The following MAEA variants were observed in gnomAD, a reference collection of about 807,000 sequenced individuals.
The protein encoded by MAEA is E3 ubiquitin-protein transferase MAEA.
MAEA carries 22 observed loss-of-function variants against 46.2 expected under a neutral mutation model. That is an observed-to-expected ratio of 0.48 (90% CI 0.34 to 0.68). The LOEUF (loss-of-function observed/expected upper bound fraction) is 0.68. Ranked by LOEUF, MAEA falls within the 30% of genes least tolerant of loss-of-function variation. The pLI, the probability that MAEA is intolerant of heterozygous loss-of-function variation, is 0.01. For missense variants in MAEA, 393 were observed against 558.1 expected (o/e 0.70, Z 2.98); for synonymous variants, 246 against 222.6 (o/e 1.11, Z -0.94).
chr4:1,311,793 G>A lies in MAEA; in HGVS notation c.70-186G>A, dbSNP rs1736538051. On this transcript the variant is annotated intron_variant, in intron 1 of 8. Transcript: ENST00000303400. This position sits in a 1 kb window ranked among gnomAD's most constrained non-coding sequence, Gnocchi z 4.4. ...GCTTCTCATCCAGGGATGTGGAGTG[G>A]CTCTCCGTTCAGCAGGGCTTTTGTG... Among the ~76,000 whole-genome samples, 1 of 152,186 alleles carries A rather than the reference G, an allele frequency of 6.6e-6. No individual in the cohort carries two copies. The highest frequency in any genetic ancestry group is 1.5e-5 in the Non-Finnish European group (1 of 68,034).
chr4:1,330,207 GC>G, intron 5 of MAEA: 1 of 913,748 alleles, frequency 1.1e-6, no homozygotes, highest in Non-Finnish European at 1.3e-6. Context: ...CTGGGACCTG[GC>G]CTGTACTTCA....
chr4:1,322,478 A>G lies in MAEA; in HGVS notation c.554A>G (p.Asn185Ser). The part of the protein sequence containing the change: ...TATCLAWCHD[N>S]KSRLRKMKSC... ...ACCTGCCTGGCCTGGTGCCATGACA[A>G]CAAGTCCCGGCTCCGGAAGATGAAG... is the stretch of plus-strand genomic sequence containing the variant. The change falls in exon 4 of 9, where the codon AAC becomes AGC. Residue 185 changes from asparagine to serine, a missense_variant. Around this residue, in one of 2 missense-constraint regions of MAEA, gnomAD observed 358 missense variants for 537.9 expected, o/e 0.67. Transcript: ENST00000303400. The G allele has an allele frequency of 1.2e-6, 2 of 1,613,872 alleles. No homozygotes were observed. Among genetic ancestry groups the G allele is most frequent in the Non-Finnish European group, 1.7e-6 (2 of 1,179,996 alleles).
intron 6 of MAEA, 104 bp downstream of exon 6, chr4:1,332,969 C>A: frequency 1.4e-6 from 1 of 736,904 alleles, no homozygotes; most frequent in South Asian, 2.0e-5. Flanking sequence ...GTGAGGGCCC[C>A]ATCCCAGCCA....
intron 1 of MAEA, among the ~76,000 whole-genome samples, chr4:1,291,944 G>A (rs908546500): frequency 6.6e-6 from 1 of 152,210 alleles, no homozygotes; most frequent in African/African-American, 2.4e-5. Context: ...GTTTTCAGGA[G>A]TGATTCCTAG....
At chr4:1,332,539 A>C in intron 5 of MAEA, 1 of 423,180 alleles carries the variant, frequency 2.4e-6, no homozygotes, top group East Asian at 4.9e-5. Flanking sequence ...ACACAGCGAG[A>C]ATCTGTCTCT....
intron 1 of MAEA, among the ~76,000 whole-genome samples, chr4:1,296,551 TTC>T (rs34363857): frequency 1.3e-5 from 2 of 149,690 alleles, no homozygotes; most frequent in Non-Finnish European, 3.0e-5. Context: ...CTGCACTTGG[TTC>T]TCTCTCTGTT....
At chr4:1,323,450 A>G in intron 4 of MAEA, 1 of 702,198 alleles carries the variant, frequency 1.4e-6, no homozygotes, top group South Asian at 1.5e-5. Context: ...TGAGTTTGGC[A>G]GGGTGCACGC....
intron 3 of MAEA, among the ~76,000 whole-genome samples, chr4:1,318,395 C>T (rs183865453): frequency 1.3e-3 from 191 of 152,286 alleles, no homozygotes; most frequent in Middle Eastern, 6.8e-3. Context: ...CACAGAAGTG[C>T]GTAGAGCAGG....
intron 3 of MAEA, among the ~76,000 whole-genome samples, chr4:1,318,648 C>T (rs762761895): frequency 2.6e-5 from 4 of 152,198 alleles, no homozygotes; most frequent in Middle Eastern, 6.8e-3. Context: ...CCACAGGTGA[C>T]CATGGCACTA....
rs966088514 is a variant in MAEA, at chr4:1,329,729, G to T, written c.656+2026G>T. The T allele has an allele frequency of 1.5e-5, 15 of 985,754 alleles. No homozygotes were observed. In the South Asian group the frequency reaches 6.6e-4, roughly 43 times the overall value. 61.1% of individuals were successfully genotyped at this position (985,754 alleles called of 1,614,324 possible). On this transcript the variant is annotated intron_variant, in intron 5 of 8. Coordinates refer to ENST00000303400, the MANE Select transcript of MAEA (RefSeq NM_001017405.3). ...GTGGCAGGTGGGGCATCGGCAGGACGTTTGTGGGGTGAGGGAGTGCGGGTG... is the reference window on the plus strand; with the variant it reads ...GTGGCAGGTGGGGCATCGGCAGGACTTTTGTGGGGTGAGGGAGTGCGGGTG...
intron 4 of MAEA, among the ~76,000 whole-genome samples, chr4:1,322,801 G>A (rs1179244821): frequency 6.6e-6 from 1 of 152,148 alleles, no homozygotes; most frequent in African/African-American, 2.4e-5. Context: ...CTTAGAGCCT[G>A]GAGACAGGTC....
intron 1 of MAEA, among the ~76,000 whole-genome samples, chr4:1,292,095 C>T (rs1734157709): frequency 6.6e-6 from 1 of 152,152 alleles, no homozygotes; most frequent in South Asian, 2.1e-4. Flanking sequence ...GTGCAGATGT[C>T]AGAGAAGGGA....
intron 5 of MAEA, chr4:1,329,757 T>C (rs1028936125): frequency 3.0e-6 from 3 of 985,280 alleles, no homozygotes; most frequent in Middle Eastern, 5.2e-4. Flanking sequence ...TGCGGGTGTT[T>C]GGCTGGGAGC....
rs2108838030 is a variant in MAEA at position 1,289,940 on chromosome 4, G to C, written c.27G>C (p.Gln9His). 6.2e-7 allele frequency: 1 copy of C among 1,602,386 alleles called. No homozygotes were observed. The highest frequency in any genetic ancestry group is 8.5e-7 in the Non-Finnish European group (1 of 1,174,258). The change falls in exon 1 of 9, where the codon CAG becomes CAC. Residue 9 changes from glutamine to histidine, a missense_variant. By Grantham distance (24) the Gln-to-His change is conservative (BLOSUM62 0). Around this residue, in one of 2 missense-constraint regions of MAEA, gnomAD observed 35 missense variants for 20.1 expected, o/e 1.74. Transcript: ENST00000303400. MAVQESAA[Q>H]LSMTLKVQEY... ...TGGCGGTGCAGGAGTCGGCGGCTCA[G>C]TTGTCCATGACCCTGAAGGTCCAGG... is the stretch of plus-strand genomic sequence containing the variant.
Position 1,322,517 on chromosome 4 carries a change from C to A in MAEA, c.579+14C>A. 2 of 1,612,896 alleles carry A rather than the reference C, an allele frequency of 1.2e-6. No homozygotes were observed. The highest frequency in any genetic ancestry group is 1.7e-6 in the Non-Finnish European group (2 of 1,179,594). On this transcript the variant is annotated intron_variant, in intron 4 of 8. Transcript: ENST00000303400. ...CGGAAGATGAAGGTGCACGGACTCC[C>A]AGGTTGGGGTGGGAGTGGGTCGGGG...
At chr4:1,334,311 C>T (rs1712454985) in intron 6 of MAEA, among the ~76,000 whole-genome samples, 1 of 152,022 alleles carries the variant, frequency 6.6e-6, no homozygotes, top group Admixed American at 6.6e-5. Flanking sequence ...GCAGCCCCCA[C>T]CTGCCACCCT....
At chr4:1,295,177 T>C (rs1734515101) in intron 1 of MAEA, among the ~76,000 whole-genome samples, 1 of 152,104 alleles carries the variant, frequency 6.6e-6, no homozygotes, top group African/African-American at 2.4e-5. Context: ...GAGGCTGTGC[T>C]GCGAGCCCCA....
intron 1 of MAEA, among the ~76,000 whole-genome samples, chr4:1,292,886 C>CTTT (rs34802084): frequency 0.021 from 2,727 of 128,282 alleles, 92 homozygotes; most frequent in Non-Finnish European, 0.029. Flanking sequence ...AACTCACCAT[C>CTTT]TTTTTTTTTT....
At chr4:1,319,268 A>G (rs1737702514) in intron 3 of MAEA, among the ~76,000 whole-genome samples, 1 of 152,210 alleles carries the variant, frequency 6.6e-6, no homozygotes, top group African/African-American at 2.4e-5. Flanking sequence ...TGGGAGGATC[A>G]CTTGAGCCCA....
Sources: gnomAD v4.1 joint callset for allele counts (sites outside exome capture counted in the v4.1 genomes callset) on GRCh38, gnomAD v4.1.1 for gene constraint, gnomAD v4.1.1 regional missense constraint, Gnocchi (gnomAD v3.1) non-coding constraint, MANE v1.5 for transcripts, NCBI Gene and HGNC (gene_info 2026-07-23, HGNC 2026-07-21) for gene names.